CCDC170: variants seen among roughly 807,000 people sequenced by gnomAD.
CCDC170 encodes coiled-coil domain containing 170.
Under a neutral mutation model 72.6 loss-of-function variants are expected in CCDC170, and 69 were observed. That is an observed-to-expected ratio of 0.95 (90% CI 0.78 to 1.16). CCDC170 has a LOEUF of 1.16. Among genes scored for constraint, CCDC170 ranks in the 50% most tolerant of loss-of-function variants. CCDC170 has a pLI of 0.00. For missense variants in CCDC170, 852 were observed against 832.5 expected, an observed-to-expected ratio of 1.02 and a Z score of -0.29; for synonymous variants, 300 against 303.9, an observed-to-expected ratio of 0.99 and a Z score of 0.13.
chr6:151,593,251 A>G lies in CCDC170; in HGVS notation c.1438A>G (p.Lys480Glu), dbSNP rs774292326. The part of the protein sequence containing the change: ...RLESNAVIEN[K>E]TIAHNLQRKL... The stretch of plus-strand genomic sequence containing the variant: ...TGAGAGCAATGCAGTCATTGAGAAC[A>G]AGACCATTGCCCACAATTTGCAGAG... Residue 480 changes from lysine (K) to glutamate (E), a missense_variant, in exon 8 of 11, where the codon AAG (lysine) becomes GAG (glutamate). Physicochemically the swap from Lys to Glu is moderately conservative, Grantham distance 56 (BLOSUM62 1). Transcript: ENST00000239374. 1.2e-6 allele frequency: 2 copies of G among 1,614,112 alleles called. No individual in the cohort carries two copies. The highest frequency in any genetic ancestry group is 1.7e-6 in the Non-Finnish European group (2 of 1,179,950).
At chr6:151,605,093 C>T (rs1023983804) in intron 9 of CCDC170, among the ~76,000 whole-genome samples, 11 of 152,222 alleles carry the variant, frequency 7.2e-5, no homozygotes, top group African/African-American at 2.7e-4. Flanking sequence ...CTACTCTCTG[C>T]ATCTATGCAC....
chr6:151,538,984 G>A (rs1395441877), intron 3 of CCDC170, among the ~76,000 whole-genome samples: 5 of 152,016 alleles, frequency 3.3e-5, no homozygotes, highest in African/African-American at 4.8e-5. Context: ...ATGTATGGCC[G>A]GGCATGGCGG....
intron 1 of CCDC170, among the ~76,000 whole-genome samples, chr6:151,510,908 G>A (rs1390782573): frequency 6.6e-6 from 1 of 152,010 alleles, no homozygotes; most frequent in African/African-American, 2.4e-5. Flanking sequence ...GTTAATTTTT[G>A]TATTTTTAGT....
At position 151,620,861 on chromosome 6, in the gene CCDC170, G is replaced by T. The variant is rs534818104; in HGVS notation, c.*2714G>T. On this transcript the variant is annotated 3_prime_UTR_variant, in exon 11 of 11. Coordinates refer to ENST00000239374, the MANE Select transcript of CCDC170 (RefSeq NM_025059.4). ...ATTTTATATCAGGATTCATGTAAGAGACTAAAAATGATCCATAGTGGTTAG... is the reference window on the plus strand; with the variant it reads ...ATTTTATATCAGGATTCATGTAAGATACTAAAAATGATCCATAGTGGTTAG... The T allele has an allele frequency of 4.0e-5, 6 of 151,666 alleles. No individual in the cohort carries two copies. Among genetic ancestry groups the T allele is most frequent in the African/African-American group, 1.2e-4 (5 of 41,258 alleles). The allele number at this position is 151,666 out of a possible 1,614,324, so 9.4% of individuals were successfully genotyped here.
intron 5 of CCDC170, among the ~76,000 whole-genome samples, chr6:151,550,992 A>T (rs1782868929): frequency 6.6e-6 from 1 of 152,174 alleles, no homozygotes; most frequent in Non-Finnish European, 1.5e-5. Flanking sequence ...GTGCAAAAGT[A>T]ATTGCGGTTT....
chr6:151,509,755 A>C lies in CCDC170; in HGVS notation c.57+15570A>C, dbSNP rs147776077. On this transcript the variant is annotated intron_variant, in intron 1 of 10. Coordinates refer to ENST00000239374, the MANE Select transcript of CCDC170 (RefSeq NM_025059.4). ...CAATAGTCTTGGAGACAGCAATATC[A>C]AGCATCAGAAAATCATTCAATTTAG... Among the ~76,000 whole-genome samples, 697 of 152,342 alleles carry C rather than the reference A, an allele frequency of 4.6e-3. 9 individuals are homozygous for C. Among genetic ancestry groups the C allele is most frequent in the African/African-American group, 0.016 (673 of 41,582 alleles).
chr6:151,611,871 C>T (rs2115141745), intron 9 of CCDC170, among the ~76,000 whole-genome samples: 1 of 152,110 alleles, frequency 6.6e-6, no homozygotes, highest in South Asian at 2.1e-4. Flanking sequence ...CCACCACAAC[C>T]AGCTAATTTT....
chr6:151,585,487 C>A (rs1236547909), intron 6 of CCDC170, among the ~76,000 whole-genome samples: 1 of 152,168 alleles, frequency 6.6e-6, no homozygotes, highest in Non-Finnish European at 1.5e-5. Flanking sequence ...ACTGTCTAAT[C>A]TTAAGTCAAC....
chr6:151,578,902 T>C (rs1347504620), intron 6 of CCDC170, among the ~76,000 whole-genome samples: 2 of 152,208 alleles, frequency 1.3e-5, no homozygotes, highest in African/African-American at 4.8e-5. Flanking sequence ...GGTTTAATTT[T>C]AGGACAAAAT....
At chr6:151,551,181 C>T (rs1433234680) in intron 5 of CCDC170, among the ~76,000 whole-genome samples, 3 of 152,128 alleles carry the variant, frequency 2.0e-5, no homozygotes, top group African/African-American at 2.4e-5. Context: ...TATTATTTTA[C>T]ATAATATGTA....
chr6:151,559,501 G>A (rs1783041535), intron 5 of CCDC170, among the ~76,000 whole-genome samples: 2 of 151,950 alleles, frequency 1.3e-5, no homozygotes, highest in Non-Finnish European at 1.5e-5. Context: ...TTCTTTTTCA[G>A]GTAGTTCATT....
At chr6:151,522,075 G>T (rs1428848858) in intron 1 of CCDC170, among the ~76,000 whole-genome samples, 2 of 151,582 alleles carry the variant, frequency 1.3e-5, no homozygotes, top group African/African-American at 4.8e-5. Context: ...CAGGAGAATC[G>T]CCTGAACCTG....
At chr6:151,586,395 A>G (rs1776451380) in intron 7 of CCDC170, among the ~76,000 whole-genome samples, 1 of 152,210 alleles carries the variant, frequency 6.6e-6, no homozygotes, top group African/African-American at 2.4e-5. Flanking sequence ...ATACTCAGAT[A>G]ATTTGCTGTA....
chr6:151,619,296 A>G lies in CCDC170; in HGVS notation c.*1149A>G, dbSNP rs1353247327. 6.6e-6 allele frequency: 1 copy of G among 152,142 alleles called. No individual in the cohort carries two copies. Among genetic ancestry groups the G allele is most frequent in the African/African-American group, 2.4e-5 (1 of 41,444 alleles). 9.4% of individuals were successfully genotyped at this position (152,142 alleles called of 1,614,324 possible). On this transcript the variant is annotated 3_prime_UTR_variant, in exon 11 of 11. Coordinates refer to ENST00000239374, the MANE Select transcript of CCDC170 (RefSeq NM_025059.4). ...GAAATCCTATATAGTCTTATTCACCAATATATCCAATACACCCACAGCAAT... is the reference window on the plus strand; with the variant it reads ...GAAATCCTATATAGTCTTATTCACCGATATATCCAATACACCCACAGCAAT...
At chr6:151,604,974 T>C (rs1483765124) in intron 9 of CCDC170, among the ~76,000 whole-genome samples, 2 of 152,222 alleles carry the variant, frequency 1.3e-5, no homozygotes, top group Non-Finnish European at 2.9e-5. Context: ...CCTATAGTGC[T>C]TTAGAACGCT....
intron 1 of CCDC170, among the ~76,000 whole-genome samples, chr6:151,506,611 TTTGTAACC>T (rs775691389): frequency 3.9e-5 from 6 of 152,248 alleles, no homozygotes; most frequent in Non-Finnish European, 8.8e-5. Flanking sequence ...CATGAAGATT[TTTGTAACC>T]TTGTGTAATG....
intron 1 of CCDC170, among the ~76,000 whole-genome samples, chr6:151,502,667 A>G (rs1376890871): frequency 6.6e-6 from 1 of 152,214 alleles, no homozygotes; most frequent in Non-Finnish European, 1.5e-5. Flanking sequence ...TGGAGTAAGC[A>G]AAAATGAAAA....
At chr6:151,555,121 G>A (rs71549128) in intron 5 of CCDC170, among the ~76,000 whole-genome samples, 23,647 of 151,464 alleles carry the variant, frequency 0.16, 2,245 homozygotes, top group East Asian at 0.46. Context: ...TGACCTCGTG[G>A]TCCACCTGCC....
At chr6:151,530,204 G>C (rs11155795) in intron 1 of CCDC170, among the ~76,000 whole-genome samples, 3 of 151,590 alleles carry the variant, frequency 2.0e-5, no homozygotes, top group African/African-American at 7.3e-5. Context: ...TTGCTAAAGA[G>C]TACCTTTCTG....
Sources: allele counts gnomAD v4.1 joint callset (sites outside exome capture counted in the v4.1 genomes callset), GRCh38; gene constraint gnomAD v4.1.1; transcripts MANE v1.5; gene names NCBI Gene and HGNC (gene_info 2026-07-23, HGNC 2026-07-21).